PTPRK: variants seen among roughly 807,000 people sequenced by gnomAD.
The protein encoded by PTPRK is receptor-type tyrosine-protein phosphatase kappa.
A neutral mutation model predicts 178.0 loss-of-function variants in PTPRK; 75 were observed. That is an observed-to-expected ratio of 0.42 (90% CI 0.35 to 0.51). The LOEUF (loss-of-function observed/expected upper bound fraction) is 0.51. PTPRK is among the 20% of genes least tolerant of loss of function. The probability of loss-of-function intolerance (pLI) is 0.02; values close to 1 mark genes in which losing one functional copy is unlikely to be tolerated. For synonymous variants in PTPRK, 637 were observed against 620.6 expected, an observed-to-expected ratio of 1.03 and a Z score of -0.39; for missense variants, 1,441 against 1,797.8, an observed-to-expected ratio of 0.80 and a Z score of 3.59.
chr6:128,273,366 G>GA (rs201877872), intron 3 of PTPRK, among the ~76,000 whole-genome samples: 154 of 150,110 alleles, frequency 1.0e-3, no homozygotes, highest in African/African-American at 1.8e-3. Flanking sequence ...AATAAAAAAA[G>GA]AAAAAAAAAG....
At position 128,432,772 on chromosome 6, in the gene PTPRK, A is replaced by ACACACACACACACACACC. The variant is rs965738083; in HGVS notation, c.101-35085_101-35084insGGTGTGTGTGTGTGTGTG. Among the ~76,000 whole-genome samples the ACACACACACACACACACC allele has an allele frequency of 2.5e-3, 379 of 150,936 alleles. 2 individuals carry two copies. Among genetic ancestry groups the ACACACACACACACACACC allele is most frequent in the African/African-American group, 9.0e-3 (368 of 40,936 alleles). ...CACACACACACACACACACACACAC[A>ACACACACACACACACACC]CCCTAACTCAATGTAGTTTATTCAA... is the stretch of plus-strand genomic sequence containing the variant. On this transcript the variant is annotated intron_variant, in intron 1 of 29. Transcript: ENST00000368226.
At chr6:128,251,693 T>C (rs1030310803) in intron 3 of PTPRK, among the ~76,000 whole-genome samples, 1 of 152,184 alleles carries the variant, frequency 6.6e-6, no homozygotes, top group African/African-American at 2.4e-5. Context: ...CACATACATA[T>C]ATACACGTGC....
intron 5 of PTPRK, among the ~76,000 whole-genome samples, chr6:128,239,512 G>A (rs976280916): frequency 1.3e-5 from 2 of 152,120 alleles, no homozygotes; most frequent in Non-Finnish European, 2.9e-5. Context: ...AAATACAAAT[G>A]TATTAAGGAA....
chr6:128,245,873 A>G (rs1473066490), intron 3 of PTPRK, among the ~76,000 whole-genome samples: 1 of 152,220 alleles, frequency 6.6e-6, no homozygotes, highest in Non-Finnish European at 1.5e-5. Flanking sequence ...GGTGAAAAAA[A>G]CCCTGTATTA....
At chr6:128,391,940 TA>T (rs1475962508) in intron 2 of PTPRK, among the ~76,000 whole-genome samples, 5 of 152,116 alleles carry the variant, frequency 3.3e-5, no homozygotes, top group African/African-American at 1.2e-4. Context: ...ATGTCTTATT[TA>T]ATTTTCACTT....
chr6:128,373,462 T>A (rs1265796913), intron 2 of PTPRK, among the ~76,000 whole-genome samples: 1 of 152,192 alleles, frequency 6.6e-6, no homozygotes, highest in East Asian at 1.9e-4. Context: ...TAAATACTAG[T>A]CCTAACTCAA....
At chr6:127,991,040 T>C (rs1364028713) in intron 20 of PTPRK, among the ~76,000 whole-genome samples, 155 bp from the exon 21 acceptor site, 1 of 152,060 alleles carries the variant, frequency 6.6e-6, no homozygotes, top group African/African-American at 2.4e-5. Context: ...ACAGAGTTTA[T>C]ATAGTCTCAC....
At chr6:128,236,244 A>C (rs1813237185) in intron 5 of PTPRK, among the ~76,000 whole-genome samples, 1 of 152,098 alleles carries the variant, frequency 6.6e-6, no homozygotes, top group Non-Finnish European at 1.5e-5. Context: ...TAACCAAAAA[A>C]TGCGTTTATA....
intron 2 of PTPRK, among the ~76,000 whole-genome samples, chr6:128,381,557 T>C (rs1837918491): frequency 6.6e-6 from 1 of 151,608 alleles, no homozygotes; most frequent in South Asian, 2.1e-4. Context: ...TAACCGGCCG[T>C]GTCACCTTGG....
At chr6:127,997,100 T>C (rs1323815293) in intron 16 of PTPRK, 112 bp from the exon 17 acceptor site, 2 of 1,045,514 alleles carry the variant, frequency 1.9e-6, no homozygotes, top group African/African-American at 1.6e-5. Context: ...AGGAAAGCAG[T>C]CCTACAGTAG....
At chr6:128,296,095 C>A (rs1180386411) in intron 3 of PTPRK, among the ~76,000 whole-genome samples, 4 of 152,026 alleles carry the variant, frequency 2.6e-5, no homozygotes, top group Non-Finnish European at 5.9e-5. Flanking sequence ...TCTAAAGTGA[C>A]CTGACTCAAT....
chr6:128,425,266 T>C (rs554428170), intron 1 of PTPRK, among the ~76,000 whole-genome samples: 32 of 151,908 alleles, frequency 2.1e-4, no homozygotes, highest in African/African-American at 6.5e-4. Flanking sequence ...TTTAGTAGAG[T>C]TGGGGTTTCA....
At chr6:128,044,279 C>G (rs770540949) in intron 13 of PTPRK, among the ~76,000 whole-genome samples, 3 of 152,024 alleles carry the variant, frequency 2.0e-5, no homozygotes, top group Non-Finnish European at 2.9e-5. Context: ...AATCTATCAA[C>G]AAGTACTATA....
chr6:128,364,937 C>A (rs887073068), intron 2 of PTPRK, among the ~76,000 whole-genome samples: 1 of 151,974 alleles, frequency 6.6e-6, no homozygotes, highest in African/African-American at 2.4e-5. Context: ...ATAAACAGTG[C>A]TGTAATAGAG....
At chr6:128,073,930 A>G (rs1053170472) in intron 11 of PTPRK, among the ~76,000 whole-genome samples, 1 of 152,052 alleles carries the variant, frequency 6.6e-6, no homozygotes. Context: ...GTGGTTAGGA[A>G]AATTAGAACT....
chr6:128,172,996 G>A (rs193060440), intron 7 of PTPRK, among the ~76,000 whole-genome samples: 3 of 151,984 alleles, frequency 2.0e-5, no homozygotes, highest in Admixed American at 2.0e-4. Flanking sequence ...ACTAGGGTGA[G>A]GGACAATGAG....
chr6:128,202,453 G>T (rs1242879919), intron 6 of PTPRK, among the ~76,000 whole-genome samples: 1 of 152,138 alleles, frequency 6.6e-6, no homozygotes. Flanking sequence ...CAGGAGTTTT[G>T]TATACTCTGG....
chr6:128,479,971 C>T (rs1050052543), intron 1 of PTPRK, among the ~76,000 whole-genome samples: 2 of 152,122 alleles, frequency 1.3e-5, no homozygotes, highest in African/African-American at 4.8e-5. Context: ...TCAGTGGTGG[C>T]TTTCTGAACC....
intron 7 of PTPRK, among the ~76,000 whole-genome samples, chr6:128,143,170 A>AC: frequency 1.3e-5 from 2 of 152,164 alleles, no homozygotes; most frequent in East Asian, 3.9e-4. Flanking sequence ...GCAACAGCAA[A>AC]AGATTGACAT....
Sources: gnomAD v4.1 joint callset for allele counts (sites outside exome capture counted in the v4.1 genomes callset) on GRCh38, gnomAD v4.1.1 for gene constraint, MANE v1.5 for transcripts, NCBI Gene and HGNC (gene_info 2026-07-23, HGNC 2026-07-21) for gene names.